GALNT16: variants seen among roughly 807,000 people sequenced by gnomAD.
The protein encoded by GALNT16 is polypeptide N-acetylgalactosaminyltransferase 16, also known as UDP-GalNAc:polypeptide N-acetylgalactosaminyltransferase-like protein 1.
In GALNT16, 40 loss-of-function variants were observed where a neutral mutation model predicts 76.1. The ratio of observed to expected loss-of-function variants is 0.53; its 90% confidence interval spans 0.41 to 0.68. GALNT16 has a LOEUF of 0.68. GALNT16 is among the 30% of genes least tolerant of loss of function. GALNT16 has a pLI of 0.00. For synonymous variants in GALNT16, 276 were observed against 285.2 expected, an observed-to-expected ratio of 0.97 and a Z score of 0.32; for missense variants, 621 against 731.9, an observed-to-expected ratio of 0.85 and a Z score of 1.75.
At chr14:69,360,228 CT>C (rs1227209312), downstream of GALNT16, among the ~76,000 whole-genome samples, 1 of 151,836 alleles carries the variant, frequency 6.6e-6, no homozygotes, top group African/African-American at 2.4e-5. Flanking sequence ...TGGTGCATGC[CT>C]GTAGTCCCAG....
In GALNT16 at chr14:69,347,180, A is replaced by C; in HGVS notation, c.1412A>C (p.Gln471Pro). 1.2e-6 allele frequency: 2 copies of C among 1,605,666 alleles called. No individual in the cohort carries two copies. The highest frequency in any genetic ancestry group is 1.7e-6 in the Non-Finnish European group (2 of 1,174,882). Residue 471 changes from glutamine to proline, a missense_variant and splice_region_variant, in exon 13 of 15, where the codon CAG (glutamine) becomes CCG (proline). Physicochemically the swap from Gln to Pro is moderately conservative, Grantham distance 76. Coordinates refer to ENST00000448469, the MANE Select transcript of GALNT16 (RefSeq NM_001168368.2). ...RGSAKNPQPA[Q>P]AWLFSDHLIQ... ...TCTGCCAAGAACCCGCAGCCCGCCCAGGTAAGGACCTCGGGTAGGAATGGG... is the reference window on the plus strand; with the variant it reads ...TCTGCCAAGAACCCGCAGCCCGCCCCGGTAAGGACCTCGGGTAGGAATGGG...
chr14:69,293,565 A>G (rs894804890), intron 1 of GALNT16, among the ~76,000 whole-genome samples: 9 of 152,194 alleles, frequency 5.9e-5, no homozygotes, highest in Admixed American at 2.6e-4. Flanking sequence ...AGGTGATGTC[A>G]TTGTGAGGTG....
At chr14:69,363,829 T>C in the GALNT16 span, among the ~76,000 whole-genome samples, 2 of 152,208 alleles carry the variant, frequency 1.3e-5, no homozygotes, top group Admixed American at 6.5e-5. Flanking sequence ...CTTGTTAACC[T>C]TGCAGATAGA....
At chr14:69,260,504 A>G (rs2140090048) in intron 1 of GALNT16, 37 bp downstream of exon 1, 1 of 1,317,194 alleles carries the variant, frequency 7.6e-7, no homozygotes. Context: ...CCGGCTAGGG[A>G]GCCGCGGCGC....
the GALNT16 span, among the ~76,000 whole-genome samples, chr14:69,381,794 T>G: frequency 7.2e-5 from 11 of 152,172 alleles, no homozygotes; most frequent in East Asian, 2.1e-3. Context: ...GTTCACATGA[T>G]TCTCCTGCCT....
chr14:69,286,579 C>T (rs1020747583), intron 1 of GALNT16, among the ~76,000 whole-genome samples: 4 of 152,274 alleles, frequency 2.6e-5, no homozygotes, highest in African/African-American at 4.8e-5. Flanking sequence ...GCTGGGATTA[C>T]AGGCATGAGC....
At chr14:69,371,344 CCCTGGTTCA>C in the GALNT16 span, among the ~76,000 whole-genome samples, 1 of 152,028 alleles carries the variant, frequency 6.6e-6, no homozygotes. Flanking sequence ...ACCTCCCACT[CCCTGGTTCA>C]AGCGATTCTC....
chr14:69,321,966 C>T (rs1252685128), intron 2 of GALNT16, among the ~76,000 whole-genome samples: 1 of 152,246 alleles, frequency 6.6e-6, no homozygotes, highest in African/African-American at 2.4e-5. Flanking sequence ...GAAGCAGCTA[C>T]TCCACAGCAC....
At chr14:69,316,781 G>C (rs1395716707) in intron 1 of GALNT16, among the ~76,000 whole-genome samples, 1 of 96,650 alleles carries the variant, frequency 1.0e-5, no homozygotes, top group Non-Finnish European at 2.2e-5. Flanking sequence ...CTGTGAGGGG[G>C]GGGGGCACTG....
chr14:69,266,814 C>A (rs1426879560), intron 1 of GALNT16, among the ~76,000 whole-genome samples: 1 of 152,192 alleles, frequency 6.6e-6, no homozygotes, highest in Non-Finnish European at 1.5e-5. Flanking sequence ...CTGAGGCCAG[C>A]CCAGGACAGG....
intron 1 of GALNT16, among the ~76,000 whole-genome samples, chr14:69,279,146 G>T (rs1200857345): frequency 2.0e-5 from 3 of 152,034 alleles, no homozygotes; most frequent in Non-Finnish European, 4.4e-5. Context: ...TGGCCAGGCT[G>T]GTCTCGAAAT....
chr14:69,284,010 A>G (rs887732372), intron 1 of GALNT16, among the ~76,000 whole-genome samples: 1 of 152,176 alleles, frequency 6.6e-6, no homozygotes, highest in African/African-American at 2.4e-5. Context: ...GGGTGTGCTT[A>G]AGAATGATTT....
chr14:69,346,695 T>C (rs2045568829), intron 12 of GALNT16, among the ~76,000 whole-genome samples: 1 of 152,226 alleles, frequency 6.6e-6, no homozygotes, highest in Non-Finnish European at 1.5e-5. Context: ...TTATTGAGCA[T>C]GCATTTTGGC....
At chr14:69,266,738 T>C (rs772301234) in intron 1 of GALNT16, among the ~76,000 whole-genome samples, 3 of 152,138 alleles carry the variant, frequency 2.0e-5, no homozygotes, top group Non-Finnish European at 4.4e-5. Context: ...CTCTCTGTCA[T>C]GAAATAGGGC....
downstream of GALNT16, among the ~76,000 whole-genome samples, chr14:69,360,790 T>C (rs912975424): frequency 6.6e-6 from 1 of 152,220 alleles, no homozygotes; most frequent in African/African-American, 2.4e-5. Flanking sequence ...TTAACAAGCC[T>C]CTTGGGGATT....
At chr14:69,290,071 A>G (rs1410500301) in intron 1 of GALNT16, among the ~76,000 whole-genome samples, 1 of 152,204 alleles carries the variant, frequency 6.6e-6, no homozygotes, top group Non-Finnish European at 1.5e-5. Context: ...TGAATTTCAT[A>G]TGAACATATG....
In GALNT16 at chr14:69,332,954, G is replaced by C. The variant is rs1048219979; in HGVS notation, c.779-131G>C. ...TGAGAGGAGGAGCTTGGCTCATTCC[G>C]AATGAAGGAGGGACTGCACGAAGAG... is the stretch of plus-strand genomic sequence containing the variant. On this transcript the variant is annotated intron_variant, in intron 7 of 14. Coordinates refer to ENST00000448469, the MANE Select transcript of GALNT16 (RefSeq NM_001168368.2). The C allele has an allele frequency of 1.7e-5, 12 of 711,918 alleles. No individual in the cohort carries two copies. In the South Asian group the frequency reaches 1.9e-4, roughly 11 times the overall value. The allele number at this position is 711,918 out of a possible 1,614,324, so 44.1% of individuals were successfully genotyped here.
intron 1 of GALNT16, among the ~76,000 whole-genome samples, chr14:69,267,670 G>T (rs756777404): frequency 1.3e-5 from 2 of 152,298 alleles, no homozygotes; most frequent in African/African-American, 4.8e-5. Context: ...GTCAGCAGGG[G>T]ATGGAGAGAG....
intron 1 of GALNT16, among the ~76,000 whole-genome samples, chr14:69,308,381 C>A (rs1490911104): frequency 6.6e-6 from 1 of 151,298 alleles, no homozygotes. Flanking sequence ...AGAGGTGACC[C>A]CTGTAGAGCG....
Sources: allele counts gnomAD v4.1 joint callset (sites outside exome capture counted in the v4.1 genomes callset), GRCh38; gene constraint gnomAD v4.1.1; transcripts MANE v1.5; gene names NCBI Gene and HGNC (gene_info 2026-07-23, HGNC 2026-07-21).